Variants in LRRC74A observed in about 807,000 individuals in gnomAD.
LRRC74A encodes the protein leucine rich repeat containing 74A, also known as leucine-rich repeat-containing protein 74A.
A neutral mutation model predicts 57.9 loss-of-function variants in LRRC74A; 44 were observed. The observed-to-expected ratio is 0.76, with a 90% confidence interval of 0.60 to 0.98. The LOEUF (loss-of-function observed/expected upper bound fraction) is 0.98, where lower values mean the gene tolerates loss of function less well. Among genes scored for constraint, LRRC74A ranks in the 50% least tolerant of loss-of-function variants. LRRC74A has a pLI of 0.00. For missense variants in LRRC74A, 572 were observed against 574.0 expected, an observed-to-expected ratio of 1.00 and a Z score of 0.04; for synonymous variants, 211 against 219.4, an observed-to-expected ratio of 0.96 and a Z score of 0.34.
intron 7 of LRRC74A, among the ~76,000 whole-genome samples, chr14:76,849,174 C>T (rs139483783): frequency 6.6e-4 from 101 of 152,130 alleles, no homozygotes; most frequent in African/African-American, 2.2e-3. Flanking sequence ...GTTTTTGAGG[C>T]GGAGTCTCGC....
chr14:76,841,458 T>G (rs2140275498), intron 5 of LRRC74A, among the ~76,000 whole-genome samples: 1 of 152,336 alleles, frequency 6.6e-6, no homozygotes, highest in East Asian at 1.9e-4. Flanking sequence ...CAATCTTGGC[T>G]ATTAGTATTG....
chr14:76,828,219 G>T (rs1895717003), intron 1 of LRRC74A, 72 bp from the exon 2 acceptor site: 9 of 1,520,246 alleles, frequency 5.9e-6, no homozygotes, highest in Non-Finnish European at 8.0e-6. Flanking sequence ...TGGAGGGGCG[G>T]CAGCGGCAGG....
chr14:76,842,462 G>T (rs538976176), intron 5 of LRRC74A, among the ~76,000 whole-genome samples: 1 of 152,324 alleles, frequency 6.6e-6, no homozygotes, highest in Admixed American at 6.5e-5. Flanking sequence ...TTTGGCAGGA[G>T]AAATCTTGGA....
At chr14:76,851,294 G>T (rs1394304158) in intron 7 of LRRC74A, among the ~76,000 whole-genome samples, 2 of 152,210 alleles carry the variant, frequency 1.3e-5, no homozygotes, top group African/African-American at 2.4e-5. Context: ...AGCCCCTGAA[G>T]ATGTTTTCCA....
chr14:76,868,940 C>T (rs1899188464), intron 13 of LRRC74A, among the ~76,000 whole-genome samples: 1 of 152,246 alleles, frequency 6.6e-6, no homozygotes, highest in African/African-American at 2.4e-5. Context: ...GAAATGCACA[C>T]AGCGGCTGGC....
intron 11 of LRRC74A, among the ~76,000 whole-genome samples, chr14:76,863,493 A>G (rs960250578): frequency 1.3e-5 from 2 of 151,878 alleles, no homozygotes; most frequent in Admixed American, 1.3e-4. Context: ...GCTCATTCCT[A>G]CCCGTTCTCA....
Position 76,826,624 on chromosome 14 carries a change from C to G in LRRC74A, c.-74C>G, listed in dbSNP as rs991671309. The stretch of plus-strand genomic sequence containing the variant: ...AGAGTTTGAGACAGAGGTGAATGGA[C>G]AGGTGTGCTTCTTAGGGAAGCAGTC... On this transcript the variant is annotated 5_prime_UTR_variant, in exon 1 of 14. Coordinates refer to ENST00000689127, the MANE Select transcript of LRRC74A (RefSeq NM_001385106.1). 6.2e-7 allele frequency: 1 copy of G among 1,611,310 alleles called. No homozygotes were observed. The highest frequency in any genetic ancestry group is 8.5e-7 in the Non-Finnish European group (1 of 1,178,868).
At chr14:76,854,575 C>A (rs1897751656) in intron 9 of LRRC74A, among the ~76,000 whole-genome samples, 1 of 152,124 alleles carries the variant, frequency 6.6e-6, no homozygotes, top group African/African-American at 2.4e-5. Context: ...CACTGCACTC[C>A]AGCCTGGGTG....
In LRRC74A at chr14:76,865,144, A is replaced by C. The variant is rs76808084; in HGVS notation, c.1201-824A>C. Among the ~76,000 whole-genome samples, 68 of 152,308 alleles carry C rather than the reference A, an allele frequency of 4.5e-4. 2 individuals carry two copies. The East Asian group carries it at 0.013, about 28-fold the overall frequency. ...TGCCTTGCAACGTGAGTAATAATAC[A>C]CTTGATCCTTGAACAACACAGGTTT... On this transcript the variant is annotated intron_variant, in intron 11 of 13. Coordinates refer to ENST00000689127, the MANE Select transcript of LRRC74A (RefSeq NM_001385106.1).
chr14:76,866,013 A>G lies in LRRC74A; in HGVS notation c.1246A>G (p.Ser416Gly). The G allele has an allele frequency of 1.2e-6, 2 of 1,604,584 alleles. No individual in the cohort carries two copies. The highest frequency in any genetic ancestry group is 1.7e-6 in the Non-Finnish European group (2 of 1,172,884). ...HKITIVDFFKSLNPTGTMKMS... is the reference protein window; with the variant it reads ...HKITIVDFFKGLNPTGTMKMS... ...AATCACGATCGTGGACTTCTTCAAGAGCTTGAACCCCACTGGGACAATGAA... is the reference window on the plus strand; with the variant it reads ...AATCACGATCGTGGACTTCTTCAAGGGCTTGAACCCCACTGGGACAATGAA... Residue 416 changes from serine to glycine, a missense_variant, in exon 12 of 14, where the codon AGC becomes GGC. Coordinates refer to ENST00000689127, the MANE Select transcript of LRRC74A (RefSeq NM_001385106.1).
chr14:76,868,743 C>T (rs780516510), intron 13 of LRRC74A, among the ~76,000 whole-genome samples: 7 of 152,248 alleles, frequency 4.6e-5, no homozygotes, highest in Non-Finnish European at 7.3e-5. Flanking sequence ...CTCCCAGTAC[C>T]TCTTTCCTTC....
Position 76,826,651 on chromosome 14 carries a change from A to G in LRRC74A, c.-47A>G. On this transcript the variant is annotated 5_prime_UTR_variant, in exon 1 of 14. Coordinates refer to ENST00000689127, the MANE Select transcript of LRRC74A (RefSeq NM_001385106.1). ...GGTGTGCTTCTTAGGGAAGCAGTCG[A>G]GAGGTGGCAAGAAGTTGGCAGCTGC... 6.2e-7 allele frequency: 1 copy of G among 1,601,778 alleles called. No individual in the cohort carries two copies. The highest frequency in any genetic ancestry group is 8.5e-7 in the Non-Finnish European group (1 of 1,174,460).
chr14:76,857,192 G>A (rs537071102), intron 9 of LRRC74A, among the ~76,000 whole-genome samples, 188 bp from the exon 10 acceptor site: 8 of 152,148 alleles, frequency 5.3e-5, no homozygotes, highest in African/African-American at 1.9e-4. Context: ...ATGGATGGAT[G>A]GATGGATGGA....
chr14:76,828,386 CG>C lies in LRRC74A; in HGVS notation c.136del (p.Glu46ArgfsTer30). 6.2e-7 allele frequency: 1 copy of C among 1,613,906 alleles called. No individual in the cohort carries two copies. Among genetic ancestry groups the C allele is most frequent in the Non-Finnish European group, 8.5e-7 (1 of 1,179,854 alleles). On this transcript the variant is annotated frameshift_variant, in exon 2 of 14. Coordinates refer to ENST00000689127, the MANE Select transcript of LRRC74A (RefSeq NM_001385106.1). LOFTEE classifies it high-confidence loss of function. ...GACTGTTGAAAAAGTGAAACCAGCCCGGGAGAATTCGGAAACAGACCTGGAG... is the reference window on the plus strand; with the variant it reads ...GACTGTTGAAAAAGTGAAACCAGCCCGGAGAATTCGGAAACAGACCTGGAG... ...PPTVEKVKPARENSETDLEIE... is the reference protein window; with the variant it reads ...PPTVEKVKPAXENSETDLEIE...
chr14:76,830,336 G>A (rs1228642438), intron 2 of LRRC74A, among the ~76,000 whole-genome samples: 1 of 152,234 alleles, frequency 6.6e-6, no homozygotes, highest in Non-Finnish European at 1.5e-5. Flanking sequence ...GCCATAGGCT[G>A]GACTTGCCTA....
At chr14:76,827,408 A>G (rs1000567280) in intron 1 of LRRC74A, among the ~76,000 whole-genome samples, 2 of 152,162 alleles carry the variant, frequency 1.3e-5, no homozygotes, top group Admixed American at 6.5e-5. Context: ...AGCCCACCCA[A>G]TGAGTAGGTT....
rs1895721402 is a variant in LRRC74A at position 76,828,273 on chromosome 14, A to T, written c.38-18A>T. 3 of 1,574,436 alleles carry T rather than the reference A, an allele frequency of 1.9e-6. No homozygotes were observed. In the East Asian group the frequency reaches 6.8e-5, roughly 36 times the overall value. On this transcript the variant is annotated intron_variant, in intron 1 of 13. Transcript: ENST00000689127. ...AAGTTTTATTCCTGGCATCAAGGAG[A>T]TGAGTTTTTTCTTCCAGATGAGATT...
chr14:76,861,542 C>A (rs910672873), intron 11 of LRRC74A, among the ~76,000 whole-genome samples: 1 of 152,122 alleles, frequency 6.6e-6, no homozygotes, highest in South Asian at 2.1e-4. Flanking sequence ...GCGGGTTCAG[C>A]CAAAGAGAAA....
chr14:76,831,204 T>C lies in LRRC74A; in HGVS notation c.168T>C (p.Asp56=). ...ENSETDLEIE[D]DEKFFTTGQK... is the part of the protein sequence containing the mutation. ...ACTTCAGCCCATCTTTCTCTGCAGA[T>C]GATGAGAAATTTTTCACCACTGGAC... The change falls in exon 3 of 14, where the codon GAT becomes GAC. Residue 56 remains aspartate (D), a splice_region_variant and synonymous_variant. Transcript: ENST00000689127. 3 of 1,613,858 alleles carry C rather than the reference T, an allele frequency of 1.9e-6. No individual in the cohort carries two copies. Among genetic ancestry groups the C allele is most frequent in the Non-Finnish European group, 2.5e-6 (3 of 1,179,830 alleles).
Sources: gnomAD v4.1 joint callset for allele counts (sites outside exome capture counted in the v4.1 genomes callset) on GRCh38, gnomAD v4.1.1 for gene constraint, MANE v1.5 for transcripts, NCBI Gene and HGNC (gene_info 2026-07-23, HGNC 2026-07-21) for gene names.